Variants in KAZN observed in about 807,000 individuals in gnomAD.
The protein encoded by KAZN is kazrin.
A neutral mutation model predicts 87.4 loss-of-function variants in KAZN; 40 were observed. That is an observed-to-expected ratio of 0.46 (90% CI 0.36 to 0.60). KAZN has a LOEUF of 0.60. Among genes scored for constraint, KAZN ranks in the 20% least tolerant of loss-of-function variants. The pLI is 0.00. For missense variants in KAZN, 898 were observed against 1,073.9 expected (o/e 0.84, Z 2.29); for synonymous variants, 466 against 458.3 (o/e 1.02, Z -0.22).
intron 1 of KAZN, among the ~76,000 whole-genome samples, chr1:14,697,255 C>T (rs148456867): frequency 0.011 from 1,689 of 151,740 alleles, 32 homozygotes; most frequent in African/African-American, 0.038. Flanking sequence ...GTTTAAGCCC[C>T]GGGGGTCAAG....
intron 1 of KAZN, among the ~76,000 whole-genome samples, chr1:13,988,212 A>G (rs1404944173): frequency 1.3e-5 from 2 of 152,202 alleles, no homozygotes; most frequent in African/African-American, 4.8e-5. Flanking sequence ...AATAAAATAA[A>G]TTATTATTTC....
chr1:14,959,539 G>T (rs1274573263), intron 1 of KAZN, among the ~76,000 whole-genome samples: 2 of 152,222 alleles, frequency 1.3e-5, no homozygotes, highest in Non-Finnish European at 2.9e-5. Flanking sequence ...TGCGGAGGGT[G>T]GGGGCGGCCC....
intron 1 of KAZN, among the ~76,000 whole-genome samples, chr1:13,913,310 G>A (rs894638869): frequency 1.3e-5 from 2 of 152,160 alleles, no homozygotes; most frequent in African/African-American, 2.4e-5. Flanking sequence ...CCTCTATCTG[G>A]TCAAGCAGAG....
At chr1:14,647,536 G>C (rs1265378470) in intron 1 of KAZN, among the ~76,000 whole-genome samples, 2 of 152,180 alleles carry the variant, frequency 1.3e-5, no homozygotes, top group Admixed American at 6.5e-5. Context: ...CTTTAGGACA[G>C]AGGGTTGCAG....
chr1:14,837,717 AATT>A lies in KAZN; in HGVS notation c.227-122945_227-122943del, dbSNP rs112164362. On this transcript the variant is annotated intron_variant, in intron 1 of 14. Transcript: ENST00000376030. ...TAGGCATGTGCCACCACCCCTGGATAATTATTATTATTATTATTATTATTTTTA... is the reference window on the plus strand; with the variant it reads ...TAGGCATGTGCCACCACCCCTGGATAATTATTATTATTATTATTATTTTTA... Among the ~76,000 whole-genome samples the A allele has an allele frequency of 4.8e-3, 717 of 150,594 alleles. 4 individuals are homozygous for A. The highest frequency in any genetic ancestry group is 0.016 in the African/African-American group (662 of 41,054).
intron 1 of KAZN, among the ~76,000 whole-genome samples, chr1:13,920,400 A>G (rs1640020088): frequency 6.6e-6 from 1 of 152,064 alleles, no homozygotes; most frequent in Non-Finnish European, 1.5e-5. Context: ...TACTGTTTTA[A>G]TTACTTTGGG....
intron 6 of KAZN, 61 bp downstream of exon 6, chr1:15,060,363 G>T: frequency 6.2e-7 from 1 of 1,603,436 alleles, no homozygotes; most frequent in South Asian, 1.1e-5. Flanking sequence ...GCAGGGGCGG[G>T]GGTGGCGGGG....
intron 2 of KAZN, among the ~76,000 whole-genome samples, chr1:14,531,606 G>A (rs1164422550): frequency 1.3e-5 from 2 of 152,150 alleles, no homozygotes; most frequent in Non-Finnish European, 2.9e-5. Flanking sequence ...AGATGTGGTT[G>A]ACAGCCTGGG....
intron 1 of KAZN, among the ~76,000 whole-genome samples, chr1:14,896,508 T>C (rs996787157): frequency 4.6e-5 from 7 of 152,196 alleles, no homozygotes; most frequent in African/African-American, 1.4e-4. Flanking sequence ...TTTGGTTAAA[T>C]TGGCTGGAAT....
rs1644518241 is a variant in KAZN at position 14,112,364 on chromosome 1, G to A, written c.92-68071G>A. 2.5e-5 allele frequency among the ~76,000 whole-genome samples: 2 copies of A among 81,598 alleles called. 1 individual carries two copies. The highest frequency in any genetic ancestry group is 8.3e-4 in the South Asian group (2 of 2,418). The allele number at this position is 81,598 out of a possible 152,430, so 53.5% of individuals were successfully genotyped here. On this transcript the variant is annotated intron_variant, in intron 1 of 16. Transcript: ENST00000636203. The stretch of plus-strand genomic sequence containing the variant: ...ATGCTGTGTGACCATATGGTAGTGA[G>A]GACAAACCCACCACCGTTACTTGGG...
intron 2 of KAZN, among the ~76,000 whole-genome samples, chr1:14,451,940 T>TG (rs150747226): frequency 0.27 from 41,340 of 151,732 alleles, 6,580 homozygotes; most frequent in Middle Eastern, 0.45. Context: ...TCTTTTTTGT[T>TG]TTGTTTTGTT....
intron 2 of KAZN, among the ~76,000 whole-genome samples, chr1:14,448,423 A>G (rs1199491314): frequency 6.6e-6 from 1 of 152,266 alleles, no homozygotes; most frequent in Non-Finnish European, 1.5e-5. Context: ...TGTGCTAACC[A>G]ACAGATAACT....
chr1:14,521,497 C>G (rs1453417921), intron 2 of KAZN, among the ~76,000 whole-genome samples: 1 of 152,184 alleles, frequency 6.6e-6, no homozygotes, highest in Non-Finnish European at 1.5e-5. Context: ...AATGTGAACC[C>G]TGTAATGCTG....
intron 2 of KAZN, among the ~76,000 whole-genome samples, chr1:14,459,492 G>A (rs896493815): frequency 3.9e-5 from 6 of 152,122 alleles, no homozygotes; most frequent in Admixed American, 6.5e-5. Flanking sequence ...ATGGCGCATC[G>A]TTTTTATCTA....
intron 2 of KAZN, among the ~76,000 whole-genome samples, chr1:14,461,936 ATTCTC>A (rs977576885): frequency 7.9e-5 from 12 of 151,748 alleles, no homozygotes; most frequent in African/African-American, 2.9e-4. Context: ...AAAAATATGA[ATTCTC>A]TCCTGGGTGA....
chr1:14,119,983 G>T (rs1644715669), intron 1 of KAZN, among the ~76,000 whole-genome samples: 1 of 152,048 alleles, frequency 6.6e-6, no homozygotes, highest in Admixed American at 6.6e-5. Context: ...AGGCACAGAT[G>T]GGGTAAGTAC....
chr1:14,112,779 C>T (rs1644528380), intron 1 of KAZN, among the ~76,000 whole-genome samples: 1 of 152,194 alleles, frequency 6.6e-6, no homozygotes, highest in African/African-American at 2.4e-5. Context: ...GCTGGCTGTG[C>T]TTCTTGTTCC....
At position 15,094,961 on chromosome 1, in the gene KAZN, G is replaced by A; in HGVS notation, c.1547+28G>A. The A allele has an allele frequency of 6.7e-7, 1 of 1,502,428 alleles. No individual in the cohort carries two copies. The highest frequency in any genetic ancestry group is 9.1e-7 in the Non-Finnish European group (1 of 1,104,864). The allele number at this position is 1,502,428 out of a possible 1,614,324, so 93.1% of individuals were successfully genotyped here. ...GAGCCCACCACGAGGGGCCCCGGGG[G>A]AGGAGAGAAAAAGTCATCCTGAGGC... On this transcript the variant is annotated intron_variant, in intron 10 of 14. Transcript: ENST00000376030. The surrounding 1 kb of genome is among the most constrained non-coding windows in gnomAD (Gnocchi z 4.5).
intron 1 of KAZN, among the ~76,000 whole-genome samples, chr1:14,622,102 A>G (rs952694960): frequency 6.6e-6 from 1 of 152,218 alleles, no homozygotes. Flanking sequence ...AGAAAATTAC[A>G]CAGATTCATT....
Sources: allele counts gnomAD v4.1 joint callset (sites outside exome capture counted in the v4.1 genomes callset), GRCh38; gene constraint gnomAD v4.1.1; non-coding constraint Gnocchi (gnomAD v3.1); transcripts MANE v1.5; gene names NCBI Gene and HGNC (gene_info 2026-07-23, HGNC 2026-07-21).